Variants in LRRC4C observed in about 807,000 individuals in gnomAD.
LRRC4C encodes the protein leucine-rich repeat-containing protein 4C.
A neutral mutation model predicts 33.6 loss-of-function variants in LRRC4C; 5 were observed. The observed-to-expected ratio is 0.15, with a 90% CI of 0.08 to 0.31. The LOEUF is 0.31. LRRC4C is among the 10% of genes least tolerant of loss of function. LRRC4C has a pLI of 1.00. For missense variants in LRRC4C, 560 were observed against 796.7 expected, an observed-to-expected ratio of 0.70 and a Z score of 3.58; for synonymous variants, 329 against 302.0, an observed-to-expected ratio of 1.09 and a Z score of -0.93.
chr11:40,301,186 G>A (rs1173752398), intron 4 of LRRC4C, among the ~76,000 whole-genome samples: 4 of 152,172 alleles, frequency 2.6e-5, no homozygotes, highest in Non-Finnish European at 5.9e-5. Flanking sequence ...GTAATAAGAA[G>A]AAAGCTGAAA....
chr11:40,823,973 G>C (rs1160631112), intron 2 of LRRC4C, among the ~76,000 whole-genome samples: 1 of 151,816 alleles, frequency 6.6e-6, no homozygotes, highest in African/African-American at 2.4e-5. Flanking sequence ...GAAACAAATG[G>C]ATTACTGATA....
At chr11:40,474,313 C>G (rs1213258329) in intron 3 of LRRC4C, among the ~76,000 whole-genome samples, 2 of 152,026 alleles carry the variant, frequency 1.3e-5, no homozygotes, top group Non-Finnish European at 2.9e-5. Flanking sequence ...ACAAACATGA[C>G]AAAAACAAGC....
At chr11:40,429,494 T>A (rs986027015) in intron 3 of LRRC4C, among the ~76,000 whole-genome samples, 11 of 151,962 alleles carry the variant, frequency 7.2e-5, no homozygotes, top group African/African-American at 2.7e-4. Flanking sequence ...GACTAAGAAC[T>A]CCTAGACTAG....
At position 41,383,788 on chromosome 11, in the gene LRRC4C, G is replaced by T. The variant is rs147323125; in HGVS notation, c.-496+75643C>A. Among the ~76,000 whole-genome samples the T allele has an allele frequency of 9.9e-5, 15 of 151,574 alleles. No individual in the cohort carries two copies. The East Asian group carries it at 2.9e-3, about 29-fold the overall frequency. ...AAATGTAAATTAACTCAGTGACCCA[G>T]ATAAAAGACAGGCAGACTAGAAAAA... On this transcript the variant is annotated intron_variant, in intron 1 of 6. Transcript: ENST00000528697.
chr11:40,320,748 C>T (rs1945803037), intron 3 of LRRC4C, among the ~76,000 whole-genome samples: 1 of 152,140 alleles, frequency 6.6e-6, no homozygotes, highest in Admixed American at 6.6e-5. Flanking sequence ...ACTAAGGACC[C>T]TTCCATCTTT....
At chr11:40,225,871 G>A (rs1009184613) in intron 5 of LRRC4C, among the ~76,000 whole-genome samples, 3 of 152,006 alleles carry the variant, frequency 2.0e-5, no homozygotes, top group African/African-American at 4.8e-5. Context: ...CGCCCGCCTC[G>A]GCCTCCCAAA....
chr11:41,183,688 G>A (rs184214857), intron 1 of LRRC4C, among the ~76,000 whole-genome samples: 1 of 152,302 alleles, frequency 6.6e-6, no homozygotes, highest in African/African-American at 2.4e-5. Flanking sequence ...TACCATTCTG[G>A]GGTTTGGAGG....
chr11:40,546,100 T>A (rs944104058), intron 3 of LRRC4C, among the ~76,000 whole-genome samples: 272 of 148,550 alleles, frequency 1.8e-3, no homozygotes, highest in African/African-American at 2.1e-3. Context: ...CTTCCTTCCT[T>A]CCTTCCTTCC....
chr11:41,008,498 C>T (rs569458764), intron 1 of LRRC4C, among the ~76,000 whole-genome samples: 2 of 152,220 alleles, frequency 1.3e-5, no homozygotes, highest in East Asian at 3.9e-4. Flanking sequence ...ATACTGATTC[C>T]ATCATGGTCC....
intron 2 of LRRC4C, among the ~76,000 whole-genome samples, chr11:40,923,738 C>T (rs1023865289): frequency 2.6e-5 from 4 of 151,924 alleles, no homozygotes; most frequent in Admixed American, 6.6e-5. Flanking sequence ...ATAGAAAAAT[C>T]TGAGAAAAAA....
chr11:40,708,658 G>A (rs1165755402), intron 2 of LRRC4C, among the ~76,000 whole-genome samples: 2 of 152,226 alleles, frequency 1.3e-5, no homozygotes, highest in Non-Finnish European at 2.9e-5. Flanking sequence ...TGGAACAAGT[G>A]CAATGTGGTG....
intron 2 of LRRC4C, among the ~76,000 whole-genome samples, chr11:40,931,661 ATG>A (rs56698782): frequency 8.6e-5 from 13 of 150,294 alleles, no homozygotes; most frequent in South Asian, 8.4e-4. Context: ...AGGGGTGTGT[ATG>A]TGTGTGTGTG....
chr11:40,159,072 A>G (rs1858945535), intron 5 of LRRC4C, among the ~76,000 whole-genome samples: 1 of 152,304 alleles, frequency 6.6e-6, no homozygotes, highest in African/African-American at 2.4e-5. Flanking sequence ...GCGAAAAAGC[A>G]AAGTGCACAT....
intron 3 of LRRC4C, among the ~76,000 whole-genome samples, chr11:40,541,830 AG>A (rs1956721325): frequency 6.6e-6 from 1 of 152,128 alleles, no homozygotes; most frequent in African/African-American, 2.4e-5. Context: ...ATGAAAGCCA[AG>A]AATGCTATGG....
At chr11:41,187,597 A>G (rs561396773) in intron 1 of LRRC4C, among the ~76,000 whole-genome samples, 2 of 152,214 alleles carry the variant, frequency 1.3e-5, no homozygotes, top group Non-Finnish European at 2.9e-5. Flanking sequence ...CCCACGTGTT[A>G]TCAGATTCTT....
chr11:40,471,154 A>G (rs532112910), intron 3 of LRRC4C, among the ~76,000 whole-genome samples: 2 of 152,338 alleles, frequency 1.3e-5, no homozygotes, highest in Non-Finnish European at 2.9e-5. Flanking sequence ...GGTTACCTAT[A>G]AAGGGAAGCC....
At chr11:41,218,658 C>T (rs774095046) in intron 1 of LRRC4C, among the ~76,000 whole-genome samples, 5 of 151,724 alleles carry the variant, frequency 3.3e-5, no homozygotes, top group Admixed American at 2.0e-4. Context: ...GCTCAGAAAG[C>T]CATTGGTCAA....
chr11:40,347,554 AG>A (rs1239122660), intron 3 of LRRC4C, among the ~76,000 whole-genome samples: 1 of 152,056 alleles, frequency 6.6e-6, no homozygotes, highest in African/African-American at 2.4e-5. Context: ...AGTCATTTCT[AG>A]CTTTCGATTT....
rs1329616603 is a variant in LRRC4C, at chr11:41,453,559, A to T, written c.-496+5872T>A. 4.6e-5 allele frequency among the ~76,000 whole-genome samples: 7 copies of T among 152,110 alleles called. No homozygotes were observed. The East Asian group carries it at 1.4e-3, about 29-fold the overall frequency. ...AAGAAACCATGGCATAAAAGAACAGACATGGGCTTTGGAGTGAGTCAGAAT... is the reference window on the plus strand; with the variant it reads ...AAGAAACCATGGCATAAAAGAACAGTCATGGGCTTTGGAGTGAGTCAGAAT... On this transcript the variant is annotated intron_variant, in intron 1 of 6. Transcript: ENST00000528697.
Sources: gnomAD v4.1 joint callset for allele counts (sites outside exome capture counted in the v4.1 genomes callset) on GRCh38, gnomAD v4.1.1 for gene constraint, MANE v1.5 for transcripts, NCBI Gene and HGNC (gene_info 2026-07-23, HGNC 2026-07-21) for gene names.